Variants in PIK3CD observed in about 807,000 individuals in gnomAD.
The protein encoded by PIK3CD is phosphatidylinositol-4,5-bisphosphate 3-kinase catalytic subunit delta.
Under a neutral mutation model 122.9 loss-of-function variants are expected in PIK3CD, and 20 were observed. The observed-to-expected ratio is 0.16, with a 90% CI of 0.11 to 0.24. PIK3CD has a LOEUF of 0.24. Ranked by LOEUF, PIK3CD falls within the 10% of genes least tolerant of loss-of-function variation. The pLI is 1.00. For missense variants in PIK3CD, 787 were observed against 1,406.3 expected (o/e 0.56, Z 7.04); for synonymous variants, 596 against 593.4 (o/e 1.00, Z -0.06).
At chr1:9,656,647 AAAC>A (rs1395886538) in intron 1 of PIK3CD, among the ~76,000 whole-genome samples, 1 of 152,124 alleles carries the variant, frequency 6.6e-6, no homozygotes, top group African/African-American at 2.4e-5. Context: ...CACTAAAAGA[AAAC>A]AACAGCAATG....
intron 1 of PIK3CD, among the ~76,000 whole-genome samples, chr1:9,666,218 G>A (rs1343435642): frequency 7.5e-6 from 1 of 133,402 alleles, no homozygotes; most frequent in African/African-American, 2.9e-5. Flanking sequence ...ATGAGCCACC[G>A]CGCCCGGTCT....
the PIK3CD span, among the ~76,000 whole-genome samples, chr1:9,628,432 G>T: frequency 6.6e-6 from 1 of 152,218 alleles, no homozygotes; most frequent in Non-Finnish European, 1.5e-5. Context: ...TCTGTGTCAG[G>T]CACGATTATA....
intron 2 of PIK3CD, among the ~76,000 whole-genome samples, chr1:9,709,808 A>C (rs2100761372): frequency 6.6e-6 from 1 of 152,258 alleles, no homozygotes; most frequent in Admixed American, 6.5e-5. Context: ...GGAGTTCAAG[A>C]CCAGTCTGGC....
chr1:9,654,670 G>C (rs1036263901), intron 1 of PIK3CD: 59 of 356,696 alleles, frequency 1.7e-4, no homozygotes, highest in Admixed American at 9.2e-4. Context: ...TTTGTGTAGA[G>C]AGCAGTTCCC....
the PIK3CD span, among the ~76,000 whole-genome samples, chr1:9,633,951 A>G: frequency 6.6e-6 from 1 of 151,802 alleles, no homozygotes; most frequent in Non-Finnish European, 1.5e-5. Flanking sequence ...TTCCCATTCC[A>G]GTTACTAGGC....
Position 9,722,014 on chromosome 1 carries a change from G to A in PIK3CD, c.2095G>A (p.Val699Ile), listed in dbSNP as rs751020974. ...LSKLKALNDF[V>I]KLSSQKTPKP... ...CAAACTGAAGGCCCTGAATGACTTC[G>A]TCAAGCTGAGCTCTCAGAAGACCCC... The change falls in exon 17 of 24, where the codon GTC (valine) becomes ATC (isoleucine). Residue 699 changes from valine (V) to isoleucine (I), a missense_variant. Physicochemically the swap from Val to Ile is conservative, Grantham distance 29 (BLOSUM62 3). Coordinates refer to ENST00000377346, the MANE Select transcript of PIK3CD (RefSeq NM_005026.5). This position sits in a 1 kb window ranked among gnomAD's most constrained non-coding sequence, Gnocchi z 7.6. The A allele has an allele frequency of 1.8e-5, 29 of 1,613,722 alleles. No homozygotes were observed. Among genetic ancestry groups the A allele is most frequent in the East Asian group, 2.2e-5 (1 of 44,878 alleles).
chr1:9,628,930 A>G, the PIK3CD span, among the ~76,000 whole-genome samples: 1 of 149,368 alleles, frequency 6.7e-6, no homozygotes, highest in Admixed American at 6.7e-5. Flanking sequence ...TGGGAACTCC[A>G]TGGGAAGGTC....
At chr1:9,675,531 A>G (rs1645498907) in intron 1 of PIK3CD, among the ~76,000 whole-genome samples, 1 of 152,132 alleles carries the variant, frequency 6.6e-6, no homozygotes, top group African/African-American at 2.4e-5. Flanking sequence ...GGCTGCTCCT[A>G]ACCCTGCACC....
At chr1:9,696,440 A>G (rs1307862655) in intron 2 of PIK3CD, among the ~76,000 whole-genome samples, 4 of 151,208 alleles carry the variant, frequency 2.6e-5, no homozygotes, top group Admixed American at 6.6e-5. Flanking sequence ...TAATAATAAT[A>G]AAATTTAAAA....
Position 9,727,160 on chromosome 1 carries a change from C to T in PIK3CD, c.*114C>T. 1 of 1,193,902 alleles carries T rather than the reference C, an allele frequency of 8.4e-7. No homozygotes were observed. Among genetic ancestry groups the T allele is most frequent in the Non-Finnish European group, 1.2e-6 (1 of 815,280 alleles). The allele number at this position is 1,193,902 out of a possible 1,614,324, so 74.0% of individuals were successfully genotyped here. ...ACTGCACCTAACGGGAAAGAACCGA[C>T]ATGGCTGCCTTTTGTTTACACTGGT... On this transcript the variant is annotated 3_prime_UTR_variant, in exon 24 of 24. Coordinates refer to ENST00000377346, the MANE Select transcript of PIK3CD (RefSeq NM_005026.5).
intron 6 of PIK3CD, 31 bp from the exon 7 acceptor site, chr1:9,716,928 C>T: frequency 6.2e-7 from 1 of 1,613,334 alleles, no homozygotes; most frequent in Non-Finnish European, 8.5e-7. Context: ...GGGGCCGCCC[C>T]ACCAGCCGCT....
intron 6 of PIK3CD, 52 bp from the exon 7 acceptor site, chr1:9,716,907 A>G (rs1647563958): frequency 6.2e-7 from 1 of 1,612,280 alleles, no homozygotes; most frequent in Non-Finnish European, 8.5e-7. Context: ...CCTGGTGTCC[A>G]GGGAGTGGTT....
In PIK3CD at chr1:9,724,463, G is replaced by A. The variant is rs771306634; in HGVS notation, c.2864+42G>A. 13 of 1,612,600 alleles carry A rather than the reference G, an allele frequency of 8.1e-6. No homozygotes were observed. The Admixed American group carries it at 1.7e-4, about 21-fold the overall frequency. ...CCCACCAGATGCCCCTCGGTGTGGG[G>A]CCCCAGGGAACAGGGCAGAGGTTCC... is the stretch of plus-strand genomic sequence containing the variant. On this transcript the variant is annotated intron_variant, in intron 22 of 23. Coordinates refer to ENST00000377346, the MANE Select transcript of PIK3CD (RefSeq NM_005026.5). The surrounding 1 kb of genome is among the most constrained non-coding windows in gnomAD (Gnocchi z 7.3).
At chr1:9,647,654 A>G (rs762132899), upstream of PIK3CD, among the ~76,000 whole-genome samples, 4 of 151,854 alleles carry the variant, frequency 2.6e-5, no homozygotes, top group Non-Finnish European at 4.4e-5. Context: ...CTACAGGCAC[A>G]TGCCACCATG....
chr1:9,712,438 G>A (rs923225592), intron 3 of PIK3CD, among the ~76,000 whole-genome samples: 3 of 151,922 alleles, frequency 2.0e-5, no homozygotes, highest in South Asian at 2.1e-4. Context: ...GTGCCACCAC[G>A]CCCGGCTAAT....
chr1:9,631,836 C>T, the PIK3CD span, among the ~76,000 whole-genome samples: 4 of 152,172 alleles, frequency 2.6e-5, no homozygotes, highest in Non-Finnish European at 1.5e-5. Context: ...CGTCCTGCCA[C>T]ACCTCAAAGT....
upstream of PIK3CD, among the ~76,000 whole-genome samples, chr1:9,647,700 C>T (rs2100647864): frequency 6.6e-6 from 1 of 151,950 alleles, no homozygotes. Flanking sequence ...AAGATGAGGT[C>T]TCACTATGTT....
At chr1:9,726,241 G>C (rs911018826) in intron 23 of PIK3CD, among the ~76,000 whole-genome samples, 1 of 151,702 alleles carries the variant, frequency 6.6e-6, no homozygotes, top group Non-Finnish European at 1.5e-5. Flanking sequence ...GGGCACGATG[G>C]CTCAGGCCTG....
At chr1:9,634,377 G>A in the PIK3CD span, among the ~76,000 whole-genome samples, 1 of 152,016 alleles carries the variant, frequency 6.6e-6, no homozygotes, top group African/African-American at 2.4e-5. Flanking sequence ...GGCTAGGCTG[G>A]TCTTGAACTC....
Sources: gnomAD v4.1 joint callset for allele counts (sites outside exome capture counted in the v4.1 genomes callset) on GRCh38, gnomAD v4.1.1 for gene constraint, Gnocchi (gnomAD v3.1) non-coding constraint, MANE v1.5 for transcripts, NCBI Gene and HGNC (gene_info 2026-07-23, HGNC 2026-07-21) for gene names.